Variants in REEP1 observed in about 807,000 individuals in gnomAD.
REEP1 encodes the protein receptor expression-enhancing protein 1.
Under a neutral mutation model 40.3 loss-of-function variants are expected in REEP1, and 22 were observed. The ratio of observed to expected loss-of-function variants is 0.55; its 90% CI spans 0.39 to 0.78. The LOEUF is 0.78. REEP1 is among the 30% of genes least tolerant of loss of function. REEP1 has a pLI of 0.00. For synonymous variants in REEP1, 116 were observed against 139.2 expected (o/e 0.83, Z 1.17); for missense variants, 280 against 361.1 (o/e 0.78, Z 1.82).
chr2:86,263,616 C>CA (rs1676978383), intron 3 of REEP1, among the ~76,000 whole-genome samples: 1 of 152,196 alleles, frequency 6.6e-6, no homozygotes, highest in Non-Finnish European at 1.5e-5. Context: ...GAAGGAAACT[C>CA]AGTTTTTCCT....
chr2:86,338,045 T>TAA, upstream of REEP1: 1 of 1,537,198 alleles, frequency 6.5e-7, no homozygotes, highest in Non-Finnish European at 8.7e-7. Context: ...CCTAACCTCT[T>TAA]CAGTCTGTCC....
chr2:86,290,239 T>C (rs975325003), intron 1 of REEP1, among the ~76,000 whole-genome samples: 2 of 151,862 alleles, frequency 1.3e-5, no homozygotes, highest in African/African-American at 4.8e-5. Flanking sequence ...AAAGGGAAGT[T>C]TACAGGGAGA....
intron 5 of REEP1, among the ~76,000 whole-genome samples, chr2:86,244,141 G>A (rs1186805297): frequency 3.9e-5 from 6 of 152,100 alleles, no homozygotes; most frequent in Non-Finnish European, 8.8e-5. Context: ...CAAAGGCAAG[G>A]CAACTGACTC....
Position 86,337,081 on chromosome 2 carries a change from G to GGCGCC in REEP1, c.32+393_32+397dup, listed in dbSNP as rs1681080575. ...GACAAAAGCTGGGGCGGCGGGGCGC[G>GGCGCC]GCGCCGGGCGACCTCACATTTCTGC... is the stretch of plus-strand genomic sequence containing the variant. On this transcript the variant is annotated intron_variant, in intron 1 of 8. Transcript: ENST00000538924. This position sits in a 1 kb window ranked among gnomAD's most constrained non-coding sequence, Gnocchi z 5.8. 1 of 153,306 alleles carries GGCGCC rather than the reference G, an allele frequency of 6.5e-6. No individual in the cohort carries two copies. The highest frequency in any genetic ancestry group is 1.5e-5 in the Non-Finnish European group (1 of 68,836). The allele number at this position is 153,306 out of a possible 1,614,324, so 9.5% of individuals were successfully genotyped here. A position where few individuals can be genotyped will look rare whatever the true frequency, so the allele number is the denominator to read the frequency against.
intron 1 of REEP1, among the ~76,000 whole-genome samples, chr2:86,326,106 T>G (rs1377584965): frequency 6.6e-6 from 1 of 152,090 alleles, no homozygotes; most frequent in Non-Finnish European, 1.5e-5. Flanking sequence ...CCACAAAATA[T>G]CCACCCAATG....
intron 1 of REEP1, among the ~76,000 whole-genome samples, chr2:86,334,046 G>A (rs1040424802): frequency 1.3e-5 from 2 of 152,200 alleles, no homozygotes; most frequent in Non-Finnish European, 2.9e-5. Context: ...TGTCCCCAGG[G>A]CCTAGGATTT....
chr2:86,226,146 A>T (rs1272047902), intron 7 of REEP1, among the ~76,000 whole-genome samples: 1 of 140,876 alleles, frequency 7.1e-6, no homozygotes, highest in Non-Finnish European at 1.5e-5. Flanking sequence ...CACCATCATC[A>T]TCATCATCAT....
In REEP1 at chr2:86,215,728, C is replaced by G. The variant is rs1558861487; in HGVS notation, c.*1311G>C. 6.6e-6 allele frequency: 1 copy of G among 152,612 alleles called. No homozygotes were observed. Among genetic ancestry groups the G allele is most frequent in the Non-Finnish European group, 1.5e-5 (1 of 68,044 alleles). 9.5% of individuals were successfully genotyped at this position (152,612 alleles called of 1,614,324 possible). A position where few individuals can be genotyped will look rare whatever the true frequency, so the allele number is the denominator to read the frequency against. On this transcript the variant is annotated 3_prime_UTR_variant, in exon 9 of 9. Transcript: ENST00000538924. ...TAAAATTCTCAATCTAAGTGGAAAG[C>G]CCCCTCAGAGAATGCCTTATTCCCC...
At chr2:86,290,479 G>A (rs2113615) in intron 1 of REEP1, among the ~76,000 whole-genome samples, 54,870 of 152,002 alleles carry the variant, frequency 0.36, 11,941 homozygotes, top group East Asian at 0.57. Flanking sequence ...GCATTCAGAG[G>A]AATTCACACT....
chr2:86,231,924 G>A lies in REEP1; in HGVS notation c.595+701C>T, dbSNP rs181068113. On this transcript the variant is annotated intron_variant, in intron 6 of 8. Coordinates refer to ENST00000538924, the MANE Select transcript of REEP1 (RefSeq NM_001371279.1). ...ACCCCAGACCTACTGAAGCCTCTGC[G>A]GATGGGCCCAGGACTTTGCATGTTT... 9.7e-4 allele frequency among the ~76,000 whole-genome samples: 148 copies of A among 152,318 alleles called. No homozygotes were observed. In the East Asian group the frequency reaches 0.01, roughly 11 times the overall value.
At chr2:86,298,555 T>C (rs189609858) in intron 1 of REEP1, among the ~76,000 whole-genome samples, 36 of 152,312 alleles carry the variant, frequency 2.4e-4, no homozygotes, top group Admixed American at 7.8e-4. Context: ...CAAGCATTGT[T>C]TATCCCCATG....
chr2:86,308,520 A>G (rs1679610561), intron 1 of REEP1, among the ~76,000 whole-genome samples: 1 of 152,190 alleles, frequency 6.6e-6, no homozygotes, highest in Admixed American at 6.5e-5. Flanking sequence ...GCACCACTGC[A>G]CTCCAGCCTG....
chr2:86,323,583 G>A (rs902492493), intron 1 of REEP1, among the ~76,000 whole-genome samples: 2 of 152,070 alleles, frequency 1.3e-5, no homozygotes, highest in Non-Finnish European at 2.9e-5. Flanking sequence ...AGAATTTAAC[G>A]AATGCCTGAT....
intron 2 of REEP1, among the ~76,000 whole-genome samples, chr2:86,267,096 G>C (rs946399184): frequency 6.6e-6 from 1 of 152,132 alleles, no homozygotes; most frequent in Non-Finnish European, 1.5e-5. Context: ...AGGAATTTGA[G>C]ATCAGCCAGG....
chr2:86,265,305 G>T (rs1574054627), intron 2 of REEP1, among the ~76,000 whole-genome samples: 2 of 152,294 alleles, frequency 1.3e-5, no homozygotes, highest in Non-Finnish European at 2.9e-5. Context: ...TAAGCATTTG[G>T]AATTTCCAGT....
chr2:86,264,947 G>A (rs1196360927), intron 2 of REEP1, among the ~76,000 whole-genome samples: 1 of 152,134 alleles, frequency 6.6e-6, no homozygotes, highest in Non-Finnish European at 1.5e-5. Context: ...CTCAAATCCA[G>A]AGTCTTATTT....
At chr2:86,233,580 A>G (rs983897041) in intron 5 of REEP1, among the ~76,000 whole-genome samples, 1 of 152,182 alleles carries the variant, frequency 6.6e-6, no homozygotes, top group East Asian at 1.9e-4. Context: ...TGGATGAGAG[A>G]ATGTGTCAGA....
chr2:86,306,549 A>G (rs564991613), intron 1 of REEP1, among the ~76,000 whole-genome samples: 46 of 152,366 alleles, frequency 3.0e-4, no homozygotes, highest in Middle Eastern at 3.4e-3. Flanking sequence ...AACTATCTAC[A>G]GTACTGCAAT....
intron 1 of REEP1, among the ~76,000 whole-genome samples, chr2:86,320,524 A>T (rs1680231322): frequency 6.6e-6 from 1 of 152,192 alleles, no homozygotes. Flanking sequence ...AAAAAAAGAG[A>T]TCTAAATTGC....
Sources: allele counts gnomAD v4.1 joint callset (sites outside exome capture counted in the v4.1 genomes callset), GRCh38; gene constraint gnomAD v4.1.1; non-coding constraint Gnocchi (gnomAD v3.1); transcripts MANE v1.5; gene names NCBI Gene and HGNC (gene_info 2026-07-23, HGNC 2026-07-21).